Variants in COL4A5 observed in about 807,000 individuals in gnomAD.
COL4A5 encodes the protein collagen type IV alpha 5 chain, also known as collagen alpha-5(IV) chain.
In COL4A5, 26 loss-of-function variants were observed where a neutral mutation model predicts 130.2. That is an observed-to-expected ratio of 0.20 (90% CI 0.15 to 0.28). COL4A5 has a LOEUF of 0.28. Among genes scored for constraint, COL4A5 ranks in the 10% least tolerant of loss-of-function variants. The probability of loss-of-function intolerance (pLI) is 1.00; values close to 1 mark genes in which losing one functional copy is unlikely to be tolerated. For missense variants in COL4A5, 1,131 were observed against 1,344.3 expected (o/e 0.84, Z 2.48); for synonymous variants, 496 against 439.6 (o/e 1.13, Z -1.60).
chrX:108,565,218 C>G (rs1307839083), intron 4 of COL4A5, among the ~76,000 whole-genome samples: 1 of 111,109 alleles, frequency 9.0e-6, no homozygotes, highest in East Asian at 2.8e-4. Context: ...CTGATAGTTT[C>G]TGCATCCTCA....
chrX:108,576,184 A>G (rs1166265191), intron 10 of COL4A5, among the ~76,000 whole-genome samples: 1 of 112,089 alleles, frequency 8.9e-6, no homozygotes, highest in Non-Finnish European at 1.9e-5. Context: ...TGAGGTATAT[A>G]AAAGGAAAGA....
At chrX:108,654,156 T>G (rs2067788840) in intron 36 of COL4A5, among the ~76,000 whole-genome samples, 1 of 112,377 alleles carries the variant, frequency 8.9e-6, no homozygotes, top group Non-Finnish European at 1.9e-5. Flanking sequence ...CAGTAGAGAT[T>G]TAGTGTTAAG....
chrX:108,474,707 A>G (rs1603251012), intron 1 of COL4A5, among the ~76,000 whole-genome samples: 1 of 111,756 alleles, frequency 8.9e-6, no homozygotes, highest in African/African-American at 3.2e-5. Flanking sequence ...CTTTCCCCCT[A>G]TGTTTTATTC....
chrX:108,492,127 T>G (rs777237851), intron 1 of COL4A5, among the ~76,000 whole-genome samples: 2 of 111,611 alleles, frequency 1.8e-5, no homozygotes, highest in Non-Finnish European at 3.8e-5. Context: ...CGCCCTAAGC[T>G]TTCACCTCTG....
chrX:108,473,611 ATG>A (rs1357626541), intron 1 of COL4A5, among the ~76,000 whole-genome samples: 7 of 46,765 alleles, frequency 1.5e-4, no homozygotes, highest in African/African-American at 2.3e-4. Context: ...ATATATATAT[ATG>A]TATATATATA....
At chrX:108,514,877 C>T (rs1439507906) in intron 1 of COL4A5, among the ~76,000 whole-genome samples, 1 of 111,020 alleles carries the variant, frequency 9.0e-6, no homozygotes, top group Middle Eastern at 4.2e-3. Context: ...ATTATGGAGG[C>T]AAAAAAGTGG....
intron 1 of COL4A5, among the ~76,000 whole-genome samples, chrX:108,497,856 T>TA (rs1168114282): frequency 1.8e-5 from 2 of 111,353 alleles, no homozygotes; most frequent in African/African-American, 6.5e-5. Context: ...ATCTTCAAGC[T>TA]AAAAAATGTC....
At chrX:108,650,932 TA>T (rs1179287890) in intron 36 of COL4A5, among the ~76,000 whole-genome samples, 1 of 109,465 alleles carries the variant, frequency 9.1e-6, no homozygotes, top group Non-Finnish European at 1.9e-5. Context: ...ATGGAAAAAT[TA>T]AAAAAAACAA....
At chrX:108,590,479 G>A (rs2066414175) in intron 19 of COL4A5, among the ~76,000 whole-genome samples, 3 of 111,246 alleles carry the variant, frequency 2.7e-5, no homozygotes, top group African/African-American at 6.5e-5. Context: ...ATAATAAACA[G>A]TTGATTCTAC....
Position 108,623,421 on chromosome X carries a change from A to G in COL4A5, c.2917+596A>G, listed in dbSNP as rs149490699. Among the ~76,000 whole-genome samples, 178 of 100,861 alleles carry G rather than the reference A, an allele frequency of 1.8e-3. 1 individual carries two copies. In the East Asian group the frequency reaches 0.038, roughly 21 times the overall value. The allele number at this position is 100,861 out of a possible 115,157, so 87.6% of individuals were successfully genotyped here. The stretch of plus-strand genomic sequence containing the variant: ...ATTAGAAACAAATACAGCGTAAAAT[A>G]TTACGTGGGGTTTTCAATAAAAAAA... On this transcript the variant is annotated intron_variant, in intron 33 of 52. Transcript: ENST00000328300.
intron 40 of COL4A5, 142 bp downstream of exon 40, chrX:108,667,325 A>C: frequency 1.9e-6 from 1 of 522,053 alleles, no homozygotes; most frequent in Non-Finnish European, 3.2e-6. Flanking sequence ...TTAACGTTAA[A>C]ACATTTATTA....
chrX:108,494,884 GA>G (rs1190144397), intron 1 of COL4A5, among the ~76,000 whole-genome samples: 2 of 111,282 alleles, frequency 1.8e-5, no homozygotes, highest in Non-Finnish European at 3.8e-5. Flanking sequence ...CTCTGGGTTA[GA>G]AAAAGATGCT....
chrX:108,557,809 G>T (rs2065843844), intron 2 of COL4A5, among the ~76,000 whole-genome samples: 2 of 110,722 alleles, frequency 1.8e-5, no homozygotes, highest in South Asian at 7.8e-4. Flanking sequence ...TGTTAAGAGG[G>T]TTCCCAGAAT....
chrX:108,537,705 T>C (rs1184982144), intron 1 of COL4A5, among the ~76,000 whole-genome samples: 1 of 112,204 alleles, frequency 8.9e-6, no homozygotes, highest in East Asian at 2.8e-4. Flanking sequence ...CAAAAACCCA[T>C]GCACATATAT....
At chrX:108,452,462 A>G (rs1357747421) in intron 1 of COL4A5, among the ~76,000 whole-genome samples, 1 of 111,886 alleles carries the variant, frequency 8.9e-6, no homozygotes. Flanking sequence ...CATGAGCATG[A>G]CATGTTCTTC....
chrX:108,624,144 A>G (rs2067106917), intron 33 of COL4A5, 92 bp from the exon 34 acceptor site: 20 of 665,433 alleles, frequency 3.0e-5, no homozygotes, highest in Admixed American at 2.9e-4. Flanking sequence ...TAATTCACTT[A>G]TAGTTTAACA....
Position 108,526,600 on chromosome X carries a change from CTTTCTTTCTTTCTTTCTTTCT to C in COL4A5, c.82-13143_82-13123del, listed in dbSNP as rs2065317271. ...CCCTCCCTCCCTCCCTCCCTCCTTT[CTTTCTTTCTTTCTTTCTTTCT>C]TTCTTTCTTTCTTTCTTTCTTTCTT... On this transcript the variant is annotated intron_variant, in intron 1 of 52. Transcript: ENST00000328300. Among the ~76,000 whole-genome samples the C allele has an allele frequency of 1.3e-4, 3 of 23,303 alleles. 1 individual carries two copies. The highest frequency in any genetic ancestry group is 4.0e-4 in the African/African-American group (2 of 4,939). The allele number at this position is 23,303 out of a possible 115,157, so 20.2% of individuals were successfully genotyped here.
At chrX:108,546,566 T>C (rs2065659384) in intron 2 of COL4A5, among the ~76,000 whole-genome samples, 2 of 111,337 alleles carry the variant, frequency 1.8e-5, no homozygotes, top group Admixed American at 9.6e-5. Context: ...TCAACTTTGG[T>C]GAATCTGACA....
At position 108,439,949 on chromosome X, in the gene COL4A5, C is replaced by A; in HGVS notation, c.-177C>A. 1 of 443,906 alleles carries A rather than the reference C, an allele frequency of 2.3e-6. No individual in the cohort carries two copies. Among genetic ancestry groups the A allele is most frequent in the Non-Finnish European group, 3.9e-6 (1 of 255,262 alleles). The allele number at this position is 443,906 out of a possible 1,213,427, so 36.6% of individuals were successfully genotyped here. A position where few individuals can be genotyped will look rare whatever the true frequency, so the allele number is the denominator to read the frequency against. ...AGGGGGGAAGGAAGAGTAGCTCCTT[C>A]TTCTTCTTCTTTTTTTTTTCTTCCA... is the stretch of plus-strand genomic sequence containing the variant. On this transcript the variant is annotated 5_prime_UTR_variant, in exon 1 of 53. Transcript: ENST00000328300.
Sources: gnomAD v4.1 joint callset for allele counts (sites outside exome capture counted in the v4.1 genomes callset) on GRCh38, gnomAD v4.1.1 for gene constraint, MANE v1.5 for transcripts, NCBI Gene and HGNC (gene_info 2026-07-23, HGNC 2026-07-21) for gene names.